MGLL: variants seen among roughly 807,000 people sequenced by gnomAD.
MGLL encodes the protein monoglyceride lipase.
MGLL carries 7 observed loss-of-function variants against 29.1 expected under a neutral mutation model. That is an observed-to-expected ratio of 0.24 (90% confidence interval 0.14 to 0.45). The LOEUF (loss-of-function observed/expected upper bound fraction) is 0.45. Ranked by LOEUF, MGLL falls within the 20% of genes least tolerant of loss-of-function variation. MGLL has a pLI of 0.99. For synonymous variants in MGLL, 148 were observed against 168.3 expected (o/e 0.88, Z 0.93); for missense variants, 356 against 413.6 (o/e 0.86, Z 1.21).
At chr3:127,702,113 T>C (rs2075502577) in intron 6 of MGLL, among the ~76,000 whole-genome samples, 1 of 152,204 alleles carries the variant, frequency 6.6e-6, no homozygotes. Context: ...ACTGAGGAGA[T>C]GGAGCGGGGT....
At chr3:127,728,339 A>G (rs1436932988) in intron 3 of MGLL, among the ~76,000 whole-genome samples, 1 of 152,132 alleles carries the variant, frequency 6.6e-6, no homozygotes. Context: ...CCATCCATTT[A>G]TCCATCTAGT....
intron 3 of MGLL, among the ~76,000 whole-genome samples, chr3:127,731,194 A>G (rs968326261): frequency 8.5e-5 from 13 of 152,050 alleles, no homozygotes; most frequent in African/African-American, 2.7e-4. Flanking sequence ...GTATTTACAC[A>G]TTTGTTTTAG....
chr3:127,715,504 G>A (rs2075796022), intron 5 of MGLL: 1 of 357,174 alleles, frequency 2.8e-6, no homozygotes, highest in African/African-American at 2.1e-5. Flanking sequence ...TGCAGGGGCA[G>A]GATGTTTTGA....
chr3:127,803,794 T>C (rs1576310351), intron 2 of MGLL, among the ~76,000 whole-genome samples: 1 of 152,292 alleles, frequency 6.6e-6, no homozygotes, highest in East Asian at 1.9e-4. Flanking sequence ...AAAACATTAC[T>C]CATTCCCTCG....
At chr3:127,704,901 A>G (rs1439934055) in intron 6 of MGLL, among the ~76,000 whole-genome samples, 1 of 152,232 alleles carries the variant, frequency 6.6e-6, no homozygotes, top group African/African-American at 2.4e-5. Flanking sequence ...AAATCATTCT[A>G]TTATAAAGAT....
chr3:127,744,181 C>T (rs139442983), intron 3 of MGLL, among the ~76,000 whole-genome samples: 12 of 152,130 alleles, frequency 7.9e-5, no homozygotes, highest in South Asian at 2.1e-4. Flanking sequence ...AGGCTGCTAA[C>T]GGTGCAGCAT....
rs141874133 is a variant in MGLL, at chr3:127,758,649, C to T, written c.262+23140G>A. 7.7e-3 allele frequency among the ~76,000 whole-genome samples: 1,175 copies of T among 152,290 alleles called. 10 individuals are homozygous for T. Among genetic ancestry groups the T allele is most frequent in the Non-Finnish European group, 0.013 (871 of 68,028 alleles). On this transcript the variant is annotated intron_variant, in intron 3 of 7. Transcript: ENST00000265052. ...TCCTTTCCTAACAATTCGGCTGTAC[C>T]GAGCGAGGAGAATGGGGGAAGTCAC... is the stretch of plus-strand genomic sequence containing the variant.
chr3:127,745,798 A>G (rs2076431251), intron 3 of MGLL, among the ~76,000 whole-genome samples: 1 of 152,258 alleles, frequency 6.6e-6, no homozygotes, highest in Middle Eastern at 3.4e-3. Flanking sequence ...GGCTTTCCCA[A>G]AGCTGTGCCC....
intron 3 of MGLL, among the ~76,000 whole-genome samples, chr3:127,771,101 A>G (rs73203076): frequency 6.6e-6 from 1 of 152,080 alleles, no homozygotes; most frequent in Non-Finnish European, 1.5e-5. Flanking sequence ...TTAAACCCCC[A>G]TCTGCCTATG....
chr3:127,797,395 TC>T (rs1020676652), intron 2 of MGLL, among the ~76,000 whole-genome samples: 6 of 152,058 alleles, frequency 3.9e-5, no homozygotes, highest in Admixed American at 3.9e-4. Context: ...CTGTCAAGAC[TC>T]AGTCTAGTCT....
chr3:127,728,673 G>A (rs1188174662), intron 3 of MGLL, among the ~76,000 whole-genome samples: 1 of 152,182 alleles, frequency 6.6e-6, no homozygotes, highest in East Asian at 1.9e-4. Context: ...TAAACAGTTG[G>A]CTGCGGTAGA....
intron 3 of MGLL, among the ~76,000 whole-genome samples, chr3:127,744,738 C>A (rs1298470931): frequency 2.6e-5 from 4 of 152,160 alleles, no homozygotes; most frequent in Non-Finnish European, 5.9e-5. Flanking sequence ...AGATCAGCAA[C>A]CCCAAGAGCT....
rs779995358 is a variant in MGLL at position 127,721,011 on chromosome 3, G to T, written c.510+42C>A. On this transcript the variant is annotated intron_variant, in intron 5 of 7. Coordinates refer to ENST00000265052, the MANE Select transcript of MGLL (RefSeq NM_007283.7). The stretch of plus-strand genomic sequence containing the variant: ...GCTACAAATGGAAGACCCATGTCCC[G>T]GGGAACCTGTAGGAATTGTACAGAC... The T allele has an allele frequency of 2.6e-6, 4 of 1,546,468 alleles. No individual in the cohort carries two copies. The Admixed American group carries it at 5.0e-5, about 19-fold the overall frequency.
At chr3:127,729,648 CACTG>C (rs1479983913) in intron 3 of MGLL, among the ~76,000 whole-genome samples, 2 of 152,204 alleles carry the variant, frequency 1.3e-5, no homozygotes, top group Non-Finnish European at 2.9e-5. Flanking sequence ...TTCATTGCTT[CACTG>C]AATTGCAATG....
At chr3:127,815,517 T>C (rs910437887) in intron 2 of MGLL, among the ~76,000 whole-genome samples, 1 of 152,258 alleles carries the variant, frequency 6.6e-6, no homozygotes, top group African/African-American at 2.4e-5. Flanking sequence ...CGCGGCCTTC[T>C]TTGCCTTGCG....
chr3:127,754,010 G>C (rs771798699), intron 3 of MGLL, among the ~76,000 whole-genome samples: 5 of 152,200 alleles, frequency 3.3e-5, no homozygotes, highest in Non-Finnish European at 5.9e-5. Flanking sequence ...TGCACTCCTA[G>C]CCCATTCTGT....
chr3:127,719,090 G>A (rs998450316), intron 5 of MGLL, among the ~76,000 whole-genome samples: 1 of 152,200 alleles, frequency 6.6e-6, no homozygotes, highest in Non-Finnish European at 1.5e-5. Flanking sequence ...TGTTCCCCCA[G>A]GGGCAGCTGG....
At chr3:127,770,526 T>C (rs902231580) in intron 3 of MGLL, among the ~76,000 whole-genome samples, 3 of 152,070 alleles carry the variant, frequency 2.0e-5, no homozygotes, top group African/African-American at 7.2e-5. Context: ...ACTCCAGGTC[T>C]CTTCACCTTT....
chr3:127,725,592 T>A (rs1017011610), intron 3 of MGLL, among the ~76,000 whole-genome samples: 6 of 152,172 alleles, frequency 3.9e-5, no homozygotes, highest in Admixed American at 1.3e-4. Context: ...CTGAAGATCT[T>A]CCAACGTTTG....
Sources: allele counts gnomAD v4.1 joint callset (sites outside exome capture counted in the v4.1 genomes callset), GRCh38; gene constraint gnomAD v4.1.1; transcripts MANE v1.5; gene names NCBI Gene and HGNC (gene_info 2026-07-23, HGNC 2026-07-21).